Variants in CLDN16 observed in about 807,000 individuals in gnomAD.
The protein encoded by CLDN16 is claudin-16.
Under a neutral mutation model 24.6 loss-of-function variants are expected in CLDN16, and 13 were observed. The ratio of observed to expected loss-of-function variants is 0.53; its 90% CI spans 0.34 to 0.84. CLDN16 has a LOEUF of 0.84. CLDN16 is among the 40% of genes least tolerant of loss of function. The pLI is 0.01. For missense variants in CLDN16, 298 were observed against 292.7 expected, an observed-to-expected ratio of 1.02 and a Z score of -0.13; for synonymous variants, 116 against 106.7, an observed-to-expected ratio of 1.09 and a Z score of -0.54.
chr3:190,402,206 A>G, intron 1 of CLDN16, 131 bp from the exon 2 acceptor site: 1 of 751,228 alleles, frequency 1.3e-6, no homozygotes, highest in Non-Finnish European at 2.4e-6. Flanking sequence ...TTTGTTGTAA[A>G]TGAAGTTCTG....
At chr3:190,371,164 C>T (rs1405085206) in intron 2 of CLDN16, among the ~76,000 whole-genome samples, 1 of 149,226 alleles carries the variant, frequency 6.7e-6, no homozygotes, top group African/African-American at 2.5e-5. Flanking sequence ...AGTTCTGTTC[C>T]TTGCAGATGG....
chr3:190,316,067 G>C, the CLDN16 span, among the ~76,000 whole-genome samples: 1 of 152,028 alleles, frequency 6.6e-6, no homozygotes, highest in South Asian at 2.1e-4. Context: ...CTTTCCAAGG[G>C]GCTGGGGACT....
At chr3:190,305,124 T>C in the CLDN16 span, among the ~76,000 whole-genome samples, 1 of 152,210 alleles carries the variant, frequency 6.6e-6, no homozygotes, top group African/African-American at 2.4e-5. Context: ...CTGGCAATGA[T>C]CTTTGCACCT....
chr3:190,312,887 T>G, the CLDN16 span: 1 of 1,614,084 alleles, frequency 6.2e-7, no homozygotes, highest in East Asian at 2.2e-5. Flanking sequence ...AGAAGAAATA[T>G]CGCACCCCCA....
Position 190,362,996 on chromosome 3 carries a change from T to A in CLDN16, n.122-7897T>A, listed in dbSNP as rs544616182. ...ATTGAACTTGCATATGTGCATTTTT[T>A]AAAAAATCAAATTCAAAAATTTTTT... On this transcript the variant is annotated intron_variant and non_coding_transcript_variant, in intron 1 of 4. Transcript: ENST00000468220. Among the ~76,000 whole-genome samples, 217 of 152,140 alleles carry A rather than the reference T, an allele frequency of 1.4e-3. 2 individuals carry two copies. The highest frequency in any genetic ancestry group is 4.9e-3 in the African/African-American group (203 of 41,558).
the CLDN16 span, chr3:190,310,100 A>G: frequency 7.9e-7 from 1 of 1,272,566 alleles, no homozygotes; most frequent in Non-Finnish European, 1.1e-6. Context: ...TGGCACTAGC[A>G]GGACTTTGTA....
chr3:190,291,534 C>T, the CLDN16 span, among the ~76,000 whole-genome samples: 2 of 152,102 alleles, frequency 1.3e-5, no homozygotes, highest in African/African-American at 4.8e-5. Flanking sequence ...ATCCAGTCAC[C>T]TCCCATCAGG....
chr3:190,294,536 G>T, the CLDN16 span, among the ~76,000 whole-genome samples: 1 of 151,946 alleles, frequency 6.6e-6, no homozygotes, highest in African/African-American at 2.4e-5. Flanking sequence ...AGTTTTAAAA[G>T]CCAGTAATAA....
At chr3:190,367,965 G>A (rs916046503) in intron 1 of CLDN16, among the ~76,000 whole-genome samples, 1 of 151,790 alleles carries the variant, frequency 6.6e-6, no homozygotes, top group South Asian at 2.1e-4. Flanking sequence ...ATCCTTTCCA[G>A]AAATCTCTGT....
chr3:190,322,381 G>C, upstream of CLDN16: 1 of 648,840 alleles, frequency 1.5e-6, no homozygotes, highest in Admixed American at 2.4e-5. Flanking sequence ...TGGGGTCCGC[G>C]CCCGGGGCGG....
At chr3:190,376,122 A>T (rs908893046) in intron 3 of CLDN16, among the ~76,000 whole-genome samples, 1 of 151,918 alleles carries the variant, frequency 6.6e-6, no homozygotes, top group Non-Finnish European at 1.5e-5. Context: ...AGGAATCCAC[A>T]TCATTGACTT....
At chr3:190,315,445 G>A in the CLDN16 span, among the ~76,000 whole-genome samples, 14 of 152,084 alleles carry the variant, frequency 9.2e-5, no homozygotes, top group East Asian at 1.9e-4. Context: ...GCAGAACTTC[G>A]CAAATTAGGG....
At chr3:190,342,412 T>C (rs1717458698) in intron 1 of CLDN16, among the ~76,000 whole-genome samples, 1 of 152,224 alleles carries the variant, frequency 6.6e-6, no homozygotes, top group African/African-American at 2.4e-5. Context: ...GTGGGATTTA[T>C]ATATGCAAAT....
At chr3:190,404,203 A>G (rs1408265177) in intron 2 of CLDN16, among the ~76,000 whole-genome samples, 1 of 152,210 alleles carries the variant, frequency 6.6e-6, no homozygotes, top group Non-Finnish European at 1.5e-5. Flanking sequence ...ATTACCTTCT[A>G]CTTAATAGCA....
At chr3:190,323,561 G>A (rs992856782) in intron 1 of CLDN16, among the ~76,000 whole-genome samples, 2 of 152,196 alleles carry the variant, frequency 1.3e-5, no homozygotes, top group Non-Finnish European at 2.9e-5. Flanking sequence ...TGTGGTGCGA[G>A]TGTGGTGGGA....
upstream of CLDN16, chr3:190,322,434 C>T (rs1716955317): frequency 1.7e-6 from 1 of 583,598 alleles, no homozygotes; most frequent in Non-Finnish European, 3.1e-6. Context: ...CTCCCAGGCT[C>T]GGGAACTGAG....
At chr3:190,352,181 CAA>C (rs1717685354) in intron 1 of CLDN16, among the ~76,000 whole-genome samples, 1 of 147,888 alleles carries the variant, frequency 6.8e-6, no homozygotes, top group South Asian at 2.1e-4. Context: ...ATTAGTAAAA[CAA>C]TAAAAAAGGA....
At position 190,406,886 on chromosome 3, in the gene CLDN16, C is replaced by G. The variant is rs528608889; in HGVS notation, c.383-1428C>G. Among the ~76,000 whole-genome samples, 6 of 151,930 alleles carry G rather than the reference C, an allele frequency of 3.9e-5. No homozygotes were observed. The East Asian group carries it at 1.2e-3, about 29-fold the overall frequency. On this transcript the variant is annotated intron_variant, in intron 3 of 4. Transcript: ENST00000264734. ...CCTCCCAAGTAGCTGGGACTACAGG[C>G]GCCCACCACCACGCCTGGCTACTTT...
chr3:190,315,247 T>C, the CLDN16 span, among the ~76,000 whole-genome samples: 1 of 152,200 alleles, frequency 6.6e-6, no homozygotes, highest in Admixed American at 6.5e-5. Flanking sequence ...ATGATCCATG[T>C]CTGGAGGATA....
Sources: allele counts gnomAD v4.1 joint callset (sites outside exome capture counted in the v4.1 genomes callset), GRCh38; gene constraint gnomAD v4.1.1; transcripts MANE v1.5; gene names NCBI Gene and HGNC (gene_info 2026-07-23, HGNC 2026-07-21).